The following CLCN3 variants were observed in gnomAD, a reference collection of about 807,000 sequenced individuals.
CLCN3 encodes H(+)/Cl(-) exchange transporter 3.
A neutral mutation model predicts 83.4 loss-of-function variants in CLCN3; 16 were observed. That is an observed-to-expected ratio of 0.19 (90% CI 0.13 to 0.29). The LOEUF is 0.29. Among genes scored for constraint, CLCN3 ranks in the 10% least tolerant of loss-of-function variants. The pLI, the probability that CLCN3 is intolerant of heterozygous loss-of-function variation, is 1.00. For missense variants in CLCN3, 544 were observed against 1,006.0 expected, an observed-to-expected ratio of 0.54 and a Z score of 6.21; for synonymous variants, 322 against 346.2, an observed-to-expected ratio of 0.93 and a Z score of 0.78.
Position 169,721,864 on chromosome 4 carries a change from G to T in CLCN3, c.*1867G>T, listed in dbSNP as rs903372167. ...CAGACATTTTCTTTTTTTTTGGCTG[G>T]AGTGCAGTGGGGCATGGTCTTGGCT... On this transcript the variant is annotated 3_prime_UTR_variant, in exon 13 of 13. Transcript: ENST00000513761. 6.6e-6 allele frequency: 1 copy of T among 151,860 alleles called. No homozygotes were observed. Among genetic ancestry groups the T allele is most frequent in the Non-Finnish European group, 1.5e-5 (1 of 67,962 alleles). The allele number at this position is 151,860 out of a possible 1,614,324, so 9.4% of individuals were successfully genotyped here.
At chr4:169,691,737 CAT>C (rs1455545461) in intron 6 of CLCN3, among the ~76,000 whole-genome samples, 1 of 152,120 alleles carries the variant, frequency 6.6e-6, no homozygotes, top group Admixed American at 6.5e-5. Context: ...TTATTTCTAA[CAT>C]AATGTCCAAA....
intron 1 of CLCN3, among the ~76,000 whole-genome samples, chr4:169,626,313 T>C (rs1773233582): frequency 6.6e-6 from 1 of 152,226 alleles, no homozygotes; most frequent in African/African-American, 2.4e-5. Flanking sequence ...GAGCCTCCAA[T>C]GTTCAGCTAT....
rs996335335 is a variant in CLCN3, at chr4:169,660,380, C to T, written c.161-19670C>T. ...TTAAAAATTCTAATCATGGATGCTT[C>T]TTCCGACCCTTATTTGCCTTATGAC... On this transcript the variant is annotated intron_variant, in intron 2 of 12. Transcript: ENST00000513761. The T allele has an allele frequency of 2.1e-6, 3 of 1,414,638 alleles. No homozygotes were observed. The African/African-American group carries it at 4.4e-5, about 21-fold the overall frequency. The allele number at this position is 1,414,638 out of a possible 1,614,324, so 87.6% of individuals were successfully genotyped here. A position where few individuals can be genotyped will look rare whatever the true frequency, so the allele number is the denominator to read the frequency against.
intron 11 of CLCN3, among the ~76,000 whole-genome samples, chr4:169,711,569 C>G (rs1019536603): frequency 6.6e-6 from 1 of 152,086 alleles, no homozygotes. Flanking sequence ...AGGCTGGTCT[C>G]GAACTCCTGA....
chr4:169,627,450 C>T (rs910415021), intron 1 of CLCN3, among the ~76,000 whole-genome samples: 5 of 151,892 alleles, frequency 3.3e-5, no homozygotes, highest in African/African-American at 7.3e-5. Context: ...TGTATCATAC[C>T]ATATTGTTGT....
chr4:169,702,214 A>G (rs1035875689), intron 9 of CLCN3, among the ~76,000 whole-genome samples: 1 of 152,122 alleles, frequency 6.6e-6, no homozygotes, highest in African/African-American at 2.4e-5. Context: ...TGGTTGCCTG[A>G]CATTCCTGGT....
chr4:169,646,563 T>G (rs1336847516), intron 2 of CLCN3, among the ~76,000 whole-genome samples: 1 of 152,208 alleles, frequency 6.6e-6, no homozygotes. Flanking sequence ...TCCAAAATGC[T>G]GGGATTACAG....
At chr4:169,642,288 G>A (rs1416536721) in intron 2 of CLCN3, among the ~76,000 whole-genome samples, 1 of 151,944 alleles carries the variant, frequency 6.6e-6, no homozygotes, top group Non-Finnish European at 1.5e-5. Context: ...CTTCATAGCA[G>A]CAAGTAAATA....
chr4:169,679,377 G>A (rs1731831911), intron 2 of CLCN3, among the ~76,000 whole-genome samples: 1 of 151,946 alleles, frequency 6.6e-6, no homozygotes, highest in East Asian at 1.9e-4. Flanking sequence ...TGGGATGGCG[G>A]CCGGGAAGAG....
intron 2 of CLCN3, among the ~76,000 whole-genome samples, chr4:169,665,638 T>C (rs571403359): frequency 4.6e-5 from 7 of 152,166 alleles, no homozygotes; most frequent in African/African-American, 1.7e-4. Flanking sequence ...GACTTCCTGC[T>C]CTTAACATAC....
intron 2 of CLCN3, among the ~76,000 whole-genome samples, chr4:169,678,822 A>G (rs1731786213): frequency 6.6e-6 from 1 of 152,208 alleles, no homozygotes; most frequent in African/African-American, 2.4e-5. Flanking sequence ...ACTTCTTTCT[A>G]CACAGACACA....
At chr4:169,624,080 T>C (rs1368945260) in intron 1 of CLCN3, among the ~76,000 whole-genome samples, 1 of 152,244 alleles carries the variant, frequency 6.6e-6, no homozygotes, top group Non-Finnish European at 1.5e-5. Flanking sequence ...TGATTTAAAC[T>C]GAACCTTGCC....
intron 1 of CLCN3, among the ~76,000 whole-genome samples, chr4:169,626,187 CACTT>C (rs950142731): frequency 1.2e-4 from 18 of 152,188 alleles, no homozygotes; most frequent in African/African-American, 3.9e-4. Context: ...CTCAGAGAAA[CACTT>C]ACCGGTTTAT....
intron 12 of CLCN3, among the ~76,000 whole-genome samples, chr4:169,716,309 G>T (rs1424370915): frequency 6.6e-6 from 1 of 151,968 alleles, no homozygotes; most frequent in Non-Finnish European, 1.5e-5. Context: ...TTTGCCACTG[G>T]GTCGTTATAC....
intron 12 of CLCN3, among the ~76,000 whole-genome samples, chr4:169,716,367 C>T (rs11729850): frequency 0.092 from 13,959 of 151,924 alleles, 672 homozygotes; most frequent in African/African-American, 0.12. Context: ...CAGAGTTTAC[C>T]AATATAGATG....
At chr4:169,630,758 A>T (rs943362110) in intron 1 of CLCN3, among the ~76,000 whole-genome samples, 1 of 152,006 alleles carries the variant, frequency 6.6e-6, no homozygotes, top group Non-Finnish European at 1.5e-5. Context: ...TGAACTTCTG[A>T]CCTCAGGTGA....
chr4:169,624,142 CTT>C (rs549474531), intron 1 of CLCN3, among the ~76,000 whole-genome samples: 1 of 151,378 alleles, frequency 6.6e-6, no homozygotes, highest in Non-Finnish European at 1.5e-5. Context: ...ATAGTAGTGA[CTT>C]TTTTTTTGAG....
At chr4:169,668,225 A>G (rs1392886690) in intron 2 of CLCN3, among the ~76,000 whole-genome samples, 1 of 151,654 alleles carries the variant, frequency 6.6e-6, no homozygotes, top group Non-Finnish European at 1.5e-5. Flanking sequence ...TGTGTTTCCC[A>G]GGCTCCCTTG....
Position 169,719,939 on chromosome 4 carries a change from TCCTCCGGCATATGGCC to T in CLCN3, c.2401_2416del (p.Leu801ArgfsTer10), listed in dbSNP as rs757519657. The T allele has an allele frequency of 6.2e-7, 1 of 1,613,510 alleles. No individual in the cohort carries two copies. On this transcript the variant is annotated frameshift_variant, in exon 13 of 13. Coordinates refer to ENST00000513761, the MANE Select transcript of CLCN3 (RefSeq NM_001829.4). LOFTEE classifies it high-confidence loss of function. ...CTTGGCATTATAACAAAAAAAGATA[TCCTCCGGCATATGGCC>T]CAGACGGCAAACCAAGACCCCGCTT...
Sources: allele counts gnomAD v4.1 joint callset (sites outside exome capture counted in the v4.1 genomes callset), GRCh38; gene constraint gnomAD v4.1.1; transcripts MANE v1.5; gene names NCBI Gene and HGNC (gene_info 2026-07-23, HGNC 2026-07-21).